The following BTBD9 variants were observed in gnomAD, a reference collection of about 807,000 sequenced individuals.
The protein encoded by BTBD9 is BTB domain containing 9.
BTBD9 carries 49 observed loss-of-function variants against 64.3 expected under a neutral mutation model. The observed-to-expected ratio is 0.76, with a 90% CI of 0.61 to 0.97. The LOEUF (loss-of-function observed/expected upper bound fraction) is 0.97, where lower values mean the gene tolerates loss of function less well. BTBD9 is among the 50% of genes least tolerant of loss of function. BTBD9 has a pLI of 0.00. For synonymous variants in BTBD9, 260 were observed against 274.7 expected (o/e 0.95, Z 0.53); for missense variants, 598 against 762.1 (o/e 0.78, Z 2.53).
At chr6:38,499,894 T>G (rs1772119490) in intron 6 of BTBD9, among the ~76,000 whole-genome samples, 1 of 152,242 alleles carries the variant, frequency 6.6e-6, no homozygotes, top group Non-Finnish European at 1.5e-5. Context: ...GAGCGCTGAA[T>G]AAGTTTTCCT....
chr6:38,562,011 C>G (rs1230787529), intron 6 of BTBD9, among the ~76,000 whole-genome samples: 1 of 152,088 alleles, frequency 6.6e-6, no homozygotes, highest in Non-Finnish European at 1.5e-5. Flanking sequence ...TTACCAATAC[C>G]CTGCAGATAA....
At chr6:38,452,013 TAAC>T (rs1209543748) in intron 6 of BTBD9, among the ~76,000 whole-genome samples, 1 of 152,126 alleles carries the variant, frequency 6.6e-6, no homozygotes, top group East Asian at 1.9e-4. Flanking sequence ...CTCTTTTACC[TAAC>T]GCTTTTAATT....
chr6:38,202,750 C>A (rs1762509674), intron 9 of BTBD9, among the ~76,000 whole-genome samples: 1 of 152,110 alleles, frequency 6.6e-6, no homozygotes. Flanking sequence ...ATACAAAAAT[C>A]AACTCAAGAT....
chr6:38,179,087 A>G (rs1475000873), intron 10 of BTBD9, among the ~76,000 whole-genome samples: 1 of 152,096 alleles, frequency 6.6e-6, no homozygotes, highest in Non-Finnish European at 1.5e-5. Flanking sequence ...TCTTGACCTC[A>G]TGATCCGCCC....
intron 4 of BTBD9, among the ~76,000 whole-genome samples, chr6:38,584,016 A>G (rs1776403986): frequency 6.6e-6 from 1 of 152,158 alleles, no homozygotes; most frequent in African/African-American, 2.4e-5. Flanking sequence ...TAGAGAAAAA[A>G]AAAAGCTCTT....
At position 38,592,710 on chromosome 6, in the gene BTBD9, A is replaced by G. The variant is rs768629683; in HGVS notation, c.680T>C (p.Leu227Ser). The stretch of plus-strand genomic sequence containing the variant: ...AAGCTCTGTGAGGCTCATGAGAGGT[A>G]AACGCACAGCCTGCATGATTTCAGC... ...NHAEIMQAVR[L>S]PLMSLTELLN... Residue 227 changes from leucine to serine, a missense_variant, in exon 4 of 11, where the codon TTA (leucine) becomes TCA (serine). Coordinates refer to ENST00000481247, the MANE Select transcript of BTBD9 (RefSeq NM_001099272.2). 6.2e-6 allele frequency: 10 copies of G among 1,614,112 alleles called. No individual in the cohort carries two copies. The African/African-American group carries it at 1.3e-4, about 22-fold the overall frequency.
chr6:38,467,452 C>T (rs564669195), intron 6 of BTBD9, among the ~76,000 whole-genome samples: 1 of 152,296 alleles, frequency 6.6e-6, no homozygotes, highest in East Asian at 1.9e-4. Flanking sequence ...TATTAGGCCA[C>T]AATACCAACT....
intron 6 of BTBD9, among the ~76,000 whole-genome samples, chr6:38,537,443 A>T (rs1186069204): frequency 6.6e-6 from 1 of 152,218 alleles, no homozygotes; most frequent in Non-Finnish European, 1.5e-5. Context: ...AATATACACA[A>T]ATTATCAAAG....
At chr6:38,617,174 C>T (rs1050552339) in intron 1 of BTBD9, among the ~76,000 whole-genome samples, 13 of 152,108 alleles carry the variant, frequency 8.5e-5, no homozygotes, top group African/African-American at 2.4e-4. Context: ...GGGAGCGTTG[C>T]TTTGCCTGGA....
chr6:38,595,766 A>G (rs1289515932), intron 2 of BTBD9: 2 of 985,132 alleles, frequency 2.0e-6, no homozygotes, highest in Non-Finnish European at 2.4e-6. Flanking sequence ...TATTCTGAGC[A>G]TACCTCTTCA....
intron 1 of BTBD9, among the ~76,000 whole-genome samples, chr6:38,615,638 C>T (rs1365553859): frequency 1.3e-5 from 2 of 152,202 alleles, no homozygotes. Context: ...AACCACCCTA[C>T]ATACCCTACT....
intron 6 of BTBD9, among the ~76,000 whole-genome samples, chr6:38,492,639 T>C (rs1439111048): frequency 6.6e-6 from 1 of 152,222 alleles, no homozygotes; most frequent in Non-Finnish European, 1.5e-5. Context: ...TTTGTTTTAA[T>C]CAACTAAGAG....
chr6:38,468,054 T>C (rs1353007261), intron 6 of BTBD9, among the ~76,000 whole-genome samples: 2 of 152,184 alleles, frequency 1.3e-5, no homozygotes, highest in South Asian at 2.1e-4. Context: ...GTACCCTCTA[T>C]CCTTCATTCT....
intron 7 of BTBD9, among the ~76,000 whole-genome samples, chr6:38,338,111 T>A (rs936845752): frequency 1.3e-5 from 2 of 152,170 alleles, no homozygotes; most frequent in East Asian, 1.9e-4. Flanking sequence ...TAGTCCCCCC[T>A]TATCTGCAGG....
intron 7 of BTBD9, among the ~76,000 whole-genome samples, chr6:38,302,125 G>T (rs2127564232): frequency 6.6e-6 from 1 of 152,176 alleles, no homozygotes; most frequent in African/African-American, 2.4e-5. Flanking sequence ...TTTCTTTGTA[G>T]TGAAACATTC....
chr6:38,377,462 A>G (rs956054405), intron 6 of BTBD9, among the ~76,000 whole-genome samples: 2 of 152,206 alleles, frequency 1.3e-5, no homozygotes, highest in African/African-American at 4.8e-5. Context: ...GCTGAGGCCA[A>G]AGCAATCTAT....
chr6:38,195,161 G>A (rs527699834), intron 9 of BTBD9, among the ~76,000 whole-genome samples: 1 of 152,304 alleles, frequency 6.6e-6, no homozygotes, highest in African/African-American at 2.4e-5. Flanking sequence ...CATGTTGCTT[G>A]AAGGGGAAAT....
At chr6:38,514,450 T>C (rs1017231892) in intron 6 of BTBD9, among the ~76,000 whole-genome samples, 2 of 152,222 alleles carry the variant, frequency 1.3e-5, no homozygotes, top group South Asian at 2.1e-4. Flanking sequence ...AGATAATATA[T>C]GCTGCTCAAA....
chr6:38,555,505 T>C (rs1774975791), intron 6 of BTBD9, among the ~76,000 whole-genome samples: 1 of 152,226 alleles, frequency 6.6e-6, no homozygotes. Flanking sequence ...ACAAAACGTA[T>C]GTAATAAATG....
Sources: gnomAD v4.1 joint callset for allele counts (sites outside exome capture counted in the v4.1 genomes callset) on GRCh38, gnomAD v4.1.1 for gene constraint, MANE v1.5 for transcripts, NCBI Gene and HGNC (gene_info 2026-07-23, HGNC 2026-07-21) for gene names.